DENND1A: variants seen among roughly 807,000 people sequenced by gnomAD.
The protein encoded by DENND1A is DENN domain containing 1A.
A neutral mutation model predicts 113.7 loss-of-function variants in DENND1A; 51 were observed. The ratio of observed to expected loss-of-function variants is 0.45; its 90% CI spans 0.36 to 0.57. The LOEUF (loss-of-function observed/expected upper bound fraction) is 0.57. Ranked by LOEUF, DENND1A falls within the 20% of genes least tolerant of loss-of-function variation. The pLI, the probability that DENND1A is intolerant of heterozygous loss-of-function variation, is 0.00. For missense variants in DENND1A, 1,258 were observed against 1,395.9 expected (o/e 0.90, Z 1.57); for synonymous variants, 565 against 570.8 (o/e 0.99, Z 0.14).
intron 5 of DENND1A, among the ~76,000 whole-genome samples, chr9:123,726,348 G>A (rs895248391): frequency 2.6e-5 from 4 of 152,118 alleles, no homozygotes; most frequent in African/African-American, 9.7e-5. Context: ...CAATAATAAC[G>A]TGTCTCACAT....
At chr9:123,917,476 T>C (rs566943598) in intron 1 of DENND1A, among the ~76,000 whole-genome samples, 22 of 152,252 alleles carry the variant, frequency 1.4e-4, no homozygotes, top group African/African-American at 4.6e-4. Flanking sequence ...GACTTTGATA[T>C]AGGTATGGAA....
intron 13 of DENND1A, among the ~76,000 whole-genome samples, chr9:123,544,966 C>T (rs948505573): frequency 9.2e-5 from 14 of 152,048 alleles, no homozygotes; most frequent in Admixed American, 8.5e-4. Flanking sequence ...GTCGTGGTGG[C>T]GGGCGCCTGT....
chr9:123,475,074 A>G (rs1173617804), intron 13 of DENND1A, among the ~76,000 whole-genome samples: 1 of 152,050 alleles, frequency 6.6e-6, no homozygotes, highest in Non-Finnish European at 1.5e-5. Context: ...GGTGGAGTGC[A>G]GTGGCCCGAT....
intron 19 of DENND1A, among the ~76,000 whole-genome samples, chr9:123,427,855 C>T (rs73573393): frequency 6.6e-6 from 1 of 152,290 alleles, no homozygotes; most frequent in African/African-American, 2.4e-5. Flanking sequence ...GAGTCAATGC[C>T]GTGCCTTGCG....
chr9:123,907,046 G>T (rs1852969203), intron 1 of DENND1A, among the ~76,000 whole-genome samples: 1 of 151,190 alleles, frequency 6.6e-6, no homozygotes, highest in Admixed American at 6.6e-5. Flanking sequence ...ATGCAAGGCT[G>T]GTTCAATATA....
At chr9:123,847,833 G>A in intron 2 of DENND1A, among the ~76,000 whole-genome samples, 1 of 152,188 alleles carries the variant, frequency 6.6e-6, no homozygotes, top group East Asian at 1.9e-4. Context: ...TACTCAGGAA[G>A]CTGAGGCAGG....
chr9:123,784,537 T>C (rs971396451), intron 3 of DENND1A, among the ~76,000 whole-genome samples: 2 of 152,144 alleles, frequency 1.3e-5, no homozygotes, highest in Non-Finnish European at 2.9e-5. Flanking sequence ...AGAGACTGCC[T>C]CTCTCAAAAG....
chr9:123,697,461 A>G (rs930218008), intron 5 of DENND1A, among the ~76,000 whole-genome samples: 2 of 152,070 alleles, frequency 1.3e-5, no homozygotes, highest in African/African-American at 4.8e-5. Flanking sequence ...TTTAGTGGTT[A>G]TTTGTGAGAT....
At chr9:123,427,242 C>T (rs1026146465) in intron 19 of DENND1A, among the ~76,000 whole-genome samples, 3 of 152,238 alleles carry the variant, frequency 2.0e-5, no homozygotes, top group African/African-American at 4.8e-5. Flanking sequence ...CCACTCACCA[C>T]GAGAATGTTA....
At chr9:123,803,842 C>A (rs1056173700) in intron 2 of DENND1A, among the ~76,000 whole-genome samples, 1 of 152,200 alleles carries the variant, frequency 6.6e-6, no homozygotes, top group Non-Finnish European at 1.5e-5. Flanking sequence ...CACTTTGTCG[C>A]CTCCTACTCT....
At chr9:123,709,691 T>C (rs73665347) in intron 5 of DENND1A, among the ~76,000 whole-genome samples, 28,140 of 152,220 alleles carry the variant, frequency 0.18, 2,803 homozygotes, top group African/African-American at 0.27. Context: ...AGACATCATG[T>C]GCCTGCATTG....
At chr9:123,768,376 C>G (rs145153615) in intron 4 of DENND1A, among the ~76,000 whole-genome samples, 58 of 152,200 alleles carry the variant, frequency 3.8e-4, no homozygotes, top group African/African-American at 1.2e-3. Flanking sequence ...CCAAATAAAC[C>G]ACGACAGTGG....
intron 13 of DENND1A, among the ~76,000 whole-genome samples, chr9:123,523,135 G>T (rs1014439417): frequency 6.6e-6 from 1 of 152,216 alleles, no homozygotes; most frequent in African/African-American, 2.4e-5. Flanking sequence ...GAGGGGTAAA[G>T]GAGGGAGGGT....
intron 2 of DENND1A, among the ~76,000 whole-genome samples, chr9:123,864,853 T>G (rs931677754): frequency 1.3e-5 from 2 of 152,170 alleles, no homozygotes; most frequent in African/African-American, 4.8e-5. Context: ...TTGTGTCAAC[T>G]CATTTATTGG....
At position 123,636,062 on chromosome 9, in the gene DENND1A, C is replaced by T. The variant is rs117453933; in HGVS notation, c.619-5586G>A. ...TTTACCTTCTTCACCTGTACTAAGC[C>T]GAAGCAAATCAGGGTCTGTCTTTAA... On this transcript the variant is annotated intron_variant, in intron 9 of 23. Coordinates refer to ENST00000394215, the MANE Select transcript of DENND1A (RefSeq NM_001352964.2). 3.3e-4 allele frequency among the ~76,000 whole-genome samples: 51 copies of T among 152,276 alleles called. No individual in the cohort carries two copies. The East Asian group carries it at 9.1e-3, about 27-fold the overall frequency.
intron 8 of DENND1A, among the ~76,000 whole-genome samples, chr9:123,652,672 T>C (rs983995820): frequency 6.6e-6 from 1 of 152,210 alleles, no homozygotes; most frequent in African/African-American, 2.4e-5. Context: ...TCATCACTGC[T>C]GGTATCCCCT....
At chr9:123,418,488 G>A (rs779298888) in intron 19 of DENND1A, among the ~76,000 whole-genome samples, 1 of 152,220 alleles carries the variant, frequency 6.6e-6, no homozygotes, top group Non-Finnish European at 1.5e-5. Context: ...GGGAAGGCGC[G>A]TTGGAATAGC....
At chr9:123,730,233 G>T (rs1159973986) in intron 5 of DENND1A, among the ~76,000 whole-genome samples, 1 of 152,124 alleles carries the variant, frequency 6.6e-6, no homozygotes, top group Non-Finnish European at 1.5e-5. Flanking sequence ...AAAAGCAATG[G>T]CAACAAAAGC....
chr9:123,716,624 G>A (rs886952505), intron 5 of DENND1A, among the ~76,000 whole-genome samples: 12 of 152,126 alleles, frequency 7.9e-5, no homozygotes, highest in East Asian at 1.9e-4. Context: ...ATATCAAATC[G>A]GATCATGGTA....
Sources: gnomAD v4.1 joint callset for allele counts (sites outside exome capture counted in the v4.1 genomes callset) on GRCh38, gnomAD v4.1.1 for gene constraint, MANE v1.5 for transcripts, NCBI Gene and HGNC (gene_info 2026-07-23, HGNC 2026-07-21) for gene names.